The following RUBCNL variants were observed in gnomAD, a reference collection of about 807,000 sequenced individuals.
RUBCNL encodes rubicon like autophagy enhancer.
Under a neutral mutation model 69.5 loss-of-function variants are expected in RUBCNL, and 62 were observed. The observed-to-expected ratio is 0.89, with a 90% CI of 0.73 to 1.10. The LOEUF (loss-of-function observed/expected upper bound fraction) is 1.10. Among genes scored for constraint, RUBCNL ranks in the 50% least tolerant of loss-of-function variants. RUBCNL has a pLI of 0.00. For synonymous variants in RUBCNL, 291 were observed against 303.6 expected (o/e 0.96, Z 0.43); for missense variants, 768 against 798.1 (o/e 0.96, Z 0.45).
upstream of RUBCNL, chr13:46,387,362 G>A: frequency 1.0e-6 from 1 of 985,490 alleles, no homozygotes; most frequent in South Asian, 4.7e-5. Context: ...GGGAAGCAAA[G>A]CGCCGTTCCC....
intron 1 of RUBCNL, among the ~76,000 whole-genome samples, chr13:46,384,696 A>T (rs259707): frequency 0.015 from 2,295 of 152,324 alleles, 66 homozygotes; most frequent in African/African-American, 0.05. Context: ...TTAAGTGTAT[A>T]GTTTATTCTA....
intron 6 of RUBCNL, among the ~76,000 whole-genome samples, 154 bp downstream of exon 6, chr13:46,362,939 GATATATATATATATATATATAT>G (rs57722239): frequency 4.8e-5 from 2 of 41,504 alleles, no homozygotes; most frequent in Non-Finnish European, 7.5e-5. Flanking sequence ...TATATATATA[GATATATATATATATATATATAT>G]ATATATATAT....
At chr13:46,359,959 T>C (rs2138740446) in intron 8 of RUBCNL, among the ~76,000 whole-genome samples, 1 of 152,358 alleles carries the variant, frequency 6.6e-6, no homozygotes, top group African/African-American at 2.4e-5. Context: ...GTCAACAGAC[T>C]GACAAATGCT....
intron 2 of RUBCNL, among the ~76,000 whole-genome samples, chr13:46,373,002 C>T (rs2048913141): frequency 6.6e-6 from 1 of 151,432 alleles, no homozygotes; most frequent in Non-Finnish European, 1.5e-5. Context: ...AACACAGAGT[C>T]TCACTCTGTC....
intron 10 of RUBCNL, chr13:46,354,910 C>CGT: frequency 2.2e-6 from 1 of 450,830 alleles, no homozygotes. Context: ...CATATGTGTA[C>CGT]AGTTTCTGAC....
At position 46,356,430 on chromosome 13, in the gene RUBCNL, A is replaced by G. The variant is rs201006976; in HGVS notation, c.1330+2T>C. ...AGCAGGCGATCCATTATCCGTACTT[A>G]CTAGGCTCTACTGGAGTTCCACAGC... On this transcript the variant is annotated splice_donor_variant, in intron 10 of 14. Transcript: ENST00000429979. LOFTEE classifies it high-confidence loss of function. The G allele has an allele frequency of 2.9e-4, 463 of 1,613,902 alleles. 2 individuals carry two copies. The highest frequency in any genetic ancestry group is 1.5e-4 in the Non-Finnish European group (180 of 1,179,848).
Position 46,343,182 on chromosome 13 carries a change from C to T in RUBCNL, c.*203G>A, listed in dbSNP as rs968808452. The T allele has an allele frequency of 1.2e-5, 10 of 834,166 alleles. No homozygotes were observed. Among genetic ancestry groups the T allele is most frequent in the African/African-American group, 6.9e-5 (4 of 57,664 alleles). The allele number at this position is 834,166 out of a possible 1,614,324, so 51.7% of individuals were successfully genotyped here. ...GCAGCCAAAACAGAACATTTGTAAA[C>T]AAAACCACAACTATCAGCCCTGTGC... On this transcript the variant is annotated 3_prime_UTR_variant, in exon 15 of 15. Transcript: ENST00000429979.
At chr13:46,352,032 T>C (rs760191224) in intron 10 of RUBCNL, among the ~76,000 whole-genome samples, 113 of 152,230 alleles carry the variant, frequency 7.4e-4, no homozygotes, top group Non-Finnish European at 1.3e-3. Context: ...TTCACTATGT[T>C]GGCCAGGCTG....
At position 46,338,255 on chromosome 13, in the gene RUBCNL, C is replaced by T. The variant is rs184417429; in HGVS notation, c.*5130G>A. ...TGGTGAATATCCCTTCATCAGGACC[C>T]GAGAAAGCAGGTTTGAATTTTGAAA... On this transcript the variant is annotated 3_prime_UTR_variant, in exon 15 of 15. Coordinates refer to ENST00000429979, the MANE Select transcript of RUBCNL (RefSeq NM_025113.5). Among the ~76,000 whole-genome samples the T allele has an allele frequency of 2.4e-4, 37 of 152,304 alleles. No individual in the cohort carries two copies. Among genetic ancestry groups the T allele is most frequent in the African/African-American group, 7.5e-4 (31 of 41,562 alleles).
chr13:46,364,521 G>T (rs141336768), intron 5 of RUBCNL, among the ~76,000 whole-genome samples: 17 of 152,216 alleles, frequency 1.1e-4, no homozygotes, highest in Admixed American at 2.0e-4. Flanking sequence ...TGGATAGAAT[G>T]GGGGTAAGAG....
chr13:46,349,245 T>G, intron 12 of RUBCNL, 41 bp downstream of exon 12: 4 of 1,570,562 alleles, frequency 2.5e-6, no homozygotes, highest in Non-Finnish European at 3.5e-6. Context: ...GATTAGCAGA[T>G]GTATGGAGGG....
Position 46,342,240 on chromosome 13 carries a change from G to C in RUBCNL, c.*1145C>G, listed in dbSNP as rs1230169508. 1 of 152,162 alleles carries C rather than the reference G, an allele frequency of 6.6e-6. No homozygotes were observed. The highest frequency in any genetic ancestry group is 1.5e-5 in the Non-Finnish European group (1 of 68,050). 9.4% of individuals were successfully genotyped at this position (152,162 alleles called of 1,614,324 possible). ...CATACACATGGCTGGATGGGGTTAG[G>C]GGACAATCTGTGACGCTTTATTGCC... is the stretch of plus-strand genomic sequence containing the variant. On this transcript the variant is annotated 3_prime_UTR_variant, in exon 15 of 15. Transcript: ENST00000429979.
intron 12 of RUBCNL, among the ~76,000 whole-genome samples, chr13:46,347,979 G>A (rs1036071425): frequency 1.6e-4 from 25 of 151,858 alleles, no homozygotes; most frequent in African/African-American, 6.0e-4. Flanking sequence ...GGCGACAGAA[G>A]GAGACTCCGT....
At position 46,340,071 on chromosome 13, in the gene RUBCNL, A is replaced by G. The variant is rs547804181; in HGVS notation, c.*3314T>C. On this transcript the variant is annotated 3_prime_UTR_variant, in exon 15 of 15. Coordinates refer to ENST00000429979, the MANE Select transcript of RUBCNL (RefSeq NM_025113.5). ...CTTGGCTTGTAGATGCATCACCCCA[A>G]CCTCTGCTTTTTTTCTTCCCTGCAT... 1.2e-4 allele frequency among the ~76,000 whole-genome samples: 18 copies of G among 151,424 alleles called. No homozygotes were observed. Among genetic ancestry groups the G allele is most frequent in the Non-Finnish European group, 1.8e-4 (12 of 67,842 alleles).
chr13:46,385,681 A>C (rs77273328), intron 1 of RUBCNL, among the ~76,000 whole-genome samples: 1 of 151,364 alleles, frequency 6.6e-6, no homozygotes, highest in African/African-American at 2.4e-5. Flanking sequence ...AAAAAAAAAA[A>C]CCAACAAACG....
intron 5 of RUBCNL, among the ~76,000 whole-genome samples, chr13:46,367,600 T>C (rs896316640): frequency 3.3e-5 from 5 of 152,236 alleles, no homozygotes; most frequent in African/African-American, 1.2e-4. Context: ...ACTCAAGAAG[T>C]TTTTAGACAA....
rs259736 is a variant in RUBCNL at position 46,345,282 on chromosome 13, G to A, written c.1785+165C>T. On this transcript the variant is annotated intron_variant, in intron 13 of 14. Transcript: ENST00000429979. ...CCCGGCTCTGCCACTTACCAGCAGG[G>A]GTATCTCAGCTGTTACTTCACAGCT... Among the ~76,000 whole-genome samples the A allele has an allele frequency of 8.6e-3, 1,310 of 152,130 alleles. 15 individuals carry two copies. Among genetic ancestry groups the A allele is most frequent in the African/African-American group, 0.028 (1,147 of 41,496 alleles).
At position 46,350,197 on chromosome 13, in the gene RUBCNL, G is replaced by A. The variant is rs1345543029; in HGVS notation, c.1485C>T (p.Asp495=). 3 of 1,591,820 alleles carry A rather than the reference G, an allele frequency of 1.9e-6. No homozygotes were observed. The highest frequency in any genetic ancestry group is 2.3e-5 in the East Asian group (1 of 43,988). ...TGAAAATGGGCTGGTGCCATATGCT[G>A]TCGAGCAGCTGTTTGGAGAAATTGC... ...YVSNFSKQLL[D]SIWHQPIFNL... is the part of the protein sequence containing the mutation. Residue 495 remains aspartate (D), a synonymous_variant, in exon 11 of 15, where the codon GAC becomes GAT. Coordinates refer to ENST00000429979, the MANE Select transcript of RUBCNL (RefSeq NM_025113.5).
intron 5 of RUBCNL, among the ~76,000 whole-genome samples, chr13:46,367,836 T>C (rs117404938): frequency 0.023 from 3,456 of 152,224 alleles, 56 homozygotes; most frequent in Middle Eastern, 0.048. Context: ...TACCACACTG[T>C]ATATACTACC....
Sources: gnomAD v4.1 joint callset for allele counts (sites outside exome capture counted in the v4.1 genomes callset) on GRCh38, gnomAD v4.1.1 for gene constraint, MANE v1.5 for transcripts, NCBI Gene and HGNC (gene_info 2026-07-23, HGNC 2026-07-21) for gene names.